Variants in RGS6 observed in about 807,000 individuals in gnomAD.
The protein encoded by RGS6 is regulator of G-protein signaling 6.
In RGS6, 30 loss-of-function variants were observed where a neutral mutation model predicts 78.5. The ratio of observed to expected loss-of-function variants is 0.38; its 90% confidence interval spans 0.29 to 0.52. The LOEUF (loss-of-function observed/expected upper bound fraction) is 0.52. Ranked by LOEUF, RGS6 falls within the 20% of genes least tolerant of loss-of-function variation. The pLI, the probability that RGS6 is intolerant of heterozygous loss-of-function variation, is 0.85. For missense variants in RGS6, 495 were observed against 609.7 expected, an observed-to-expected ratio of 0.81 and a Z score of 1.98; for synonymous variants, 206 against 206.0, an observed-to-expected ratio of 1.00 and a Z score of 0.00.
chr14:72,340,964 G>C (rs1283389856), intron 2 of RGS6, among the ~76,000 whole-genome samples: 1 of 152,118 alleles, frequency 6.6e-6, no homozygotes, highest in Admixed American at 6.5e-5. Flanking sequence ...GAGGTATGTG[G>C]CTCTCGTGAC....
intron 2 of RGS6, among the ~76,000 whole-genome samples, chr14:72,303,510 AAAAC>A (rs2066561959): frequency 6.6e-6 from 1 of 152,194 alleles, no homozygotes; most frequent in South Asian, 2.1e-4. Flanking sequence ...AAGCAAAACA[AAAAC>A]AAACAAACAA....
the RGS6 span, among the ~76,000 whole-genome samples, chr14:71,910,346 C>G: frequency 6.6e-6 from 1 of 152,218 alleles, no homozygotes; most frequent in Non-Finnish European, 1.5e-5. Context: ...ACGAGCCTTG[C>G]TCTGTTAGTT....
chr14:72,204,524 T>C (rs1327348916), intron 2 of RGS6, among the ~76,000 whole-genome samples: 1 of 152,122 alleles, frequency 6.6e-6, no homozygotes, highest in Non-Finnish European at 1.5e-5. Flanking sequence ...TACCATAAAC[T>C]GGGTGGCTTA....
intron 2 of RGS6, among the ~76,000 whole-genome samples, chr14:72,047,469 C>T (rs1260747630): frequency 6.6e-6 from 1 of 152,168 alleles, no homozygotes; most frequent in Non-Finnish European, 1.5e-5. Flanking sequence ...GTTTTAGCTA[C>T]TAACATTTAT....
At chr14:72,191,375 A>G (rs1436952490) in intron 2 of RGS6, among the ~76,000 whole-genome samples, 2 of 152,212 alleles carry the variant, frequency 1.3e-5, no homozygotes, top group African/African-American at 2.4e-5. Context: ...TCTGGCCTCA[A>G]CGTAACTCCC....
chr14:72,506,026 A>G (rs952589636), intron 13 of RGS6, among the ~76,000 whole-genome samples: 4 of 152,246 alleles, frequency 2.6e-5, no homozygotes, highest in Non-Finnish European at 5.9e-5. Context: ...CTTGATAAGA[A>G]TGAAGAGGCA....
intron 2 of RGS6, among the ~76,000 whole-genome samples, chr14:72,198,182 G>A (rs117636732): frequency 0.024 from 3,646 of 152,068 alleles, 53 homozygotes; most frequent in African/African-American, 0.038. Flanking sequence ...TCAACATGGC[G>A]AAACCCCATC....
chr14:72,428,161 A>G (rs917603833), intron 3 of RGS6, among the ~76,000 whole-genome samples: 4 of 152,212 alleles, frequency 2.6e-5, no homozygotes, highest in African/African-American at 9.6e-5. Flanking sequence ...AGGACTGATT[A>G]AGGAAAGAAG....
chr14:72,026,329 C>T (rs906633292), intron 2 of RGS6, among the ~76,000 whole-genome samples: 2 of 152,086 alleles, frequency 1.3e-5, no homozygotes, highest in African/African-American at 4.8e-5. Context: ...ATCGCTTGAA[C>T]CCAGGAGGCA....
intron 17 of RGS6, chr14:72,541,124 A>G (rs767522376): frequency 5.3e-4 from 725 of 1,366,222 alleles, no homozygotes; most frequent in Non-Finnish European, 6.6e-4. Context: ...GGTCCCATGC[A>G]GGGAGCTGGC....
At chr14:72,491,624 G>A (rs953783010) in intron 12 of RGS6, among the ~76,000 whole-genome samples, 1 of 152,082 alleles carries the variant, frequency 6.6e-6, no homozygotes, top group African/African-American at 2.4e-5. Flanking sequence ...ATTGGTCAGC[G>A]AGTACAAGGT....
chr14:72,043,369 T>C (rs1467461169), intron 2 of RGS6, among the ~76,000 whole-genome samples: 1 of 152,188 alleles, frequency 6.6e-6, no homozygotes, highest in African/African-American at 2.4e-5. Context: ...TTTCTGACTA[T>C]ACTATATTCC....
chr14:72,190,830 T>A (rs1171668356), intron 2 of RGS6, among the ~76,000 whole-genome samples: 2 of 152,194 alleles, frequency 1.3e-5, no homozygotes, highest in African/African-American at 4.8e-5. Context: ...ATTGTACCTC[T>A]TTTCCAGCTG....
chr14:71,971,906 GTTTTTTTTT>G (rs57854685), intron 2 of RGS6, among the ~76,000 whole-genome samples: 6 of 104,436 alleles, frequency 5.7e-5, no homozygotes, highest in African/African-American at 1.9e-4. Flanking sequence ...AATATGGCAG[GTTTTTTTTT>G]TTTTTTTTTT....
At chr14:72,330,670 TC>T (rs2074808000) in intron 2 of RGS6, among the ~76,000 whole-genome samples, 1 of 152,180 alleles carries the variant, frequency 6.6e-6, no homozygotes, top group African/African-American at 2.4e-5. Flanking sequence ...TCATTTCAGA[TC>T]CACAGGGCCC....
chr14:72,320,003 T>C (rs753616527), intron 2 of RGS6, among the ~76,000 whole-genome samples: 40 of 152,334 alleles, frequency 2.6e-4, no homozygotes, highest in Middle Eastern at 3.4e-3. Context: ...ATTATAGATG[T>C]ATTGATAGAT....
intron 6 of RGS6, among the ~76,000 whole-genome samples, chr14:72,462,299 G>C (rs573202336): frequency 1.6e-4 from 25 of 152,296 alleles, no homozygotes; most frequent in African/African-American, 6.0e-4. Context: ...GACTGAGAAG[G>C]CTGAATAGCT....
chr14:72,510,091 G>A lies in RGS6; in HGVS notation c.966-63G>A, dbSNP rs28533672. On this transcript the variant is annotated intron_variant, in intron 13 of 17. Coordinates refer to ENST00000553525, the MANE Select transcript of RGS6 (RefSeq NM_001204424.2). ...CAAAACAGACTTGAGTCACTGAAGA[G>A]AATATGACACGAGCTTTTCTCTGGT... 2.5e-3 allele frequency: 3,723 copies of A among 1,518,310 alleles called. 72 individuals are homozygous for A. In the African/African-American group the frequency reaches 0.046, roughly 19 times the overall value. The allele number at this position is 1,518,310 out of a possible 1,614,324, so 94.1% of individuals were successfully genotyped here.
intron 2 of RGS6, among the ~76,000 whole-genome samples, chr14:72,328,400 C>G (rs1485432956): frequency 6.6e-6 from 1 of 152,154 alleles, no homozygotes; most frequent in African/African-American, 2.4e-5. Flanking sequence ...AAGCACTCAA[C>G]AAATATTTTT....
Sources: allele counts gnomAD v4.1 joint callset (sites outside exome capture counted in the v4.1 genomes callset), GRCh38; gene constraint gnomAD v4.1.1; transcripts MANE v1.5; gene names NCBI Gene and HGNC (gene_info 2026-07-23, HGNC 2026-07-21).